Variants in BICD1 observed in about 807,000 individuals in gnomAD.
The protein encoded by BICD1 is BICD cargo adaptor 1, also known as protein bicaudal D homolog 1.
A neutral mutation model predicts 92.5 loss-of-function variants in BICD1; 35 were observed. That is an observed-to-expected ratio of 0.38 (90% CI 0.29 to 0.50). BICD1 has a LOEUF of 0.50. BICD1 is among the 20% of genes least tolerant of loss of function. The pLI is 0.93. For missense variants in BICD1, 950 were observed against 1,189.8 expected (o/e 0.80, Z 2.97); for synonymous variants, 429 against 465.1 (o/e 0.92, Z 1.00).
At chr12:32,359,607 TCCACC>T (rs1939246796) in intron 8 of BICD1, among the ~76,000 whole-genome samples, 1 of 152,154 alleles carries the variant, frequency 6.6e-6, no homozygotes, top group South Asian at 2.1e-4. Context: ...CTTAAAAAGT[TCCACC>T]TTTCAATACT....
chr12:32,294,188 A>G (rs868420183), intron 3 of BICD1, 42 bp downstream of exon 3: 1 of 1,519,060 alleles, frequency 6.6e-7, no homozygotes, highest in Non-Finnish European at 8.9e-7. Context: ...AGATGGATCT[A>G]CATCTTCTGA....
chr12:32,335,173 C>T (rs533819618), intron 6 of BICD1, among the ~76,000 whole-genome samples: 1 of 149,128 alleles, frequency 6.7e-6, no homozygotes, highest in African/African-American at 2.5e-5. Flanking sequence ...TTTTTTGAGA[C>T]GGAGTCTTAC....
intron 1 of BICD1, among the ~76,000 whole-genome samples, chr12:32,178,060 G>A (rs1348946085): frequency 1.3e-5 from 2 of 151,442 alleles, no homozygotes; most frequent in Non-Finnish European, 2.9e-5. Context: ...AAAAAAGCAG[G>A]AGTTATTTCT....
At position 32,216,330 on chromosome 12, in the gene BICD1, A is replaced by G; in HGVS notation, c.297A>G (p.Ala99=). 1 of 1,614,202 alleles carries G rather than the reference A, an allele frequency of 6.2e-7. No homozygotes were observed. Among genetic ancestry groups the G allele is most frequent in the Non-Finnish European group, 8.5e-7 (1 of 1,180,036 alleles). ...TREETLLQES[A]SKEAYYLGKI... Reference sequence around the variant, plus strand: ...AGGAAACGCTTCTGCAGGAGTCAGCATCGAAGGAGGCTTACTATCTGGGGA... The same window carrying G: ...AGGAAACGCTTCTGCAGGAGTCAGCGTCGAAGGAGGCTTACTATCTGGGGA... Residue 99 remains alanine, a synonymous_variant, in exon 2 of 10, where the codon GCA becomes GCG. Transcript: ENST00000652176.
chr12:32,290,318 T>C (rs142161537), intron 2 of BICD1, among the ~76,000 whole-genome samples: 1 of 152,210 alleles, frequency 6.6e-6, no homozygotes, highest in Non-Finnish European at 1.5e-5. Flanking sequence ...AGCTAGCCAG[T>C]GAGCTTTTAT....
At chr12:32,182,154 G>A (rs1004896597) in intron 1 of BICD1, among the ~76,000 whole-genome samples, 7 of 151,782 alleles carry the variant, frequency 4.6e-5, no homozygotes, top group African/African-American at 7.2e-5. Context: ...AGTTCAGAAA[G>A]GTGGTGGTAA....
At chr12:32,255,389 G>A (rs1173575142) in intron 2 of BICD1, among the ~76,000 whole-genome samples, 1 of 152,082 alleles carries the variant, frequency 6.6e-6, no homozygotes, top group Non-Finnish European at 1.5e-5. Flanking sequence ...GCCACCATGT[G>A]CCAGTCATCT....
At chr12:32,287,421 C>G (rs1947598774) in intron 2 of BICD1, among the ~76,000 whole-genome samples, 1 of 151,774 alleles carries the variant, frequency 6.6e-6, no homozygotes, top group African/African-American at 2.4e-5. Context: ...ACATGTATTA[C>G]TGTATTGATT....
chr12:32,300,746 G>A (rs1592637111), intron 3 of BICD1, among the ~76,000 whole-genome samples: 2 of 138,504 alleles, frequency 1.4e-5, no homozygotes, highest in African/African-American at 2.6e-5. Flanking sequence ...CCGGGTTCAC[G>A]CCATTCTCCT....
chr12:32,126,614 T>C (rs766024529), intron 1 of BICD1, among the ~76,000 whole-genome samples: 3 of 151,910 alleles, frequency 2.0e-5, no homozygotes, highest in Non-Finnish European at 4.4e-5. Context: ...AAAATTAGTT[T>C]GGCATGGTGA....
At chr12:32,295,777 C>T (rs1239581) in intron 3 of BICD1, among the ~76,000 whole-genome samples, 5 of 151,304 alleles carry the variant, frequency 3.3e-5, no homozygotes, top group African/African-American at 4.9e-5. Flanking sequence ...CTCAGCCTCC[C>T]GAGTAGCTGG....
intron 9 of BICD1, among the ~76,000 whole-genome samples, chr12:32,371,600 T>C (rs1337699283): frequency 6.6e-6 from 1 of 152,196 alleles, no homozygotes; most frequent in African/African-American, 2.4e-5. Flanking sequence ...GTTTTTGTTT[T>C]TGTTTGAGAC....
chr12:32,267,620 TA>T (rs1182430214), intron 2 of BICD1, among the ~76,000 whole-genome samples: 1 of 151,558 alleles, frequency 6.6e-6, no homozygotes, highest in Non-Finnish European at 1.5e-5. Flanking sequence ...CTTATTAAGC[TA>T]TTTTTTTGTT....
At chr12:32,140,702 TA>T (rs1942888251) in intron 1 of BICD1, among the ~76,000 whole-genome samples, 2 of 152,304 alleles carry the variant, frequency 1.3e-5, no homozygotes, top group Non-Finnish European at 2.9e-5. Flanking sequence ...ACTGTGTCTG[TA>T]GACAAAAAGC....
At position 32,337,564 on chromosome 12, in the gene BICD1, A is replaced by G. The variant is rs750796204; in HGVS notation, c.2318A>G (p.Lys773Arg). Residue 773 changes from lysine to arginine, a missense_variant, in exon 7 of 10, where the codon AAG becomes AGG. Lys to Arg is a conservative substitution (Grantham distance 26). This residue lies in a region of BICD1 where 309 missense variants were observed against 499.4 expected (regional missense o/e 0.62). Transcript: ENST00000652176. This position sits in a 1 kb window ranked among gnomAD's most constrained non-coding sequence, Gnocchi z 4.7. ...CAGTTAGCAGCTGCAGAGGATGAGA[A>G]GAAGACTCTGAACACTTTGTTACGA... is the stretch of plus-strand genomic sequence containing the variant. ...QRQLAAAEDE[K>R]KTLNTLLRMA... The G allele has an allele frequency of 6.2e-7, 1 of 1,614,222 alleles. No homozygotes were observed. Among genetic ancestry groups the G allele is most frequent in the South Asian group, 1.1e-5 (1 of 91,090 alleles).
rs144074626 is a variant in BICD1 at position 32,337,584 on chromosome 12, T to C, written c.2338T>C (p.Leu780=). ...TGAGAAGAAGACTCTGAACACTTTG[T>C]TACGAATGGCTATCCAGCAAAAACT... ...EDEKKTLNTL[L]RMAIQQKLAL... is the part of the protein sequence containing the mutation. The change falls in exon 7 of 10, where the codon TTA becomes CTA. Residue 780 remains leucine, a synonymous_variant. Transcript: ENST00000652176. The surrounding 1 kb of genome is among the most constrained non-coding windows in gnomAD (Gnocchi z 4.7). 2.3e-5 allele frequency: 37 copies of C among 1,614,042 alleles called. No homozygotes were observed. Among genetic ancestry groups the C allele is most frequent in the Non-Finnish European group, 3.1e-5 (37 of 1,180,034 alleles).
intron 8 of BICD1, chr12:32,339,897 C>G (rs1430070742): frequency 1.1e-6 from 1 of 915,150 alleles, no homozygotes; most frequent in East Asian, 1.2e-4. Context: ...TTCTGAATAT[C>G]TGGCAGCCCT....
At chr12:32,118,091 A>ATTTTATTTTATTTAT (rs1555126592) in intron 1 of BICD1, among the ~76,000 whole-genome samples, 1 of 46,832 alleles carries the variant, frequency 2.1e-5, no homozygotes, top group African/African-American at 6.7e-5. Flanking sequence ...TATTTTATTT[A>ATTTTATTTTATTTAT]TTTTTTTTGA....
chr12:32,192,094 A>G (rs539612944), intron 1 of BICD1, among the ~76,000 whole-genome samples: 14 of 152,268 alleles, frequency 9.2e-5, no homozygotes, highest in African/African-American at 3.1e-4. Context: ...AGGCCAAGAA[A>G]CGTTCTTGAA....
Sources: allele counts gnomAD v4.1 joint callset (sites outside exome capture counted in the v4.1 genomes callset), GRCh38; gene constraint gnomAD v4.1.1; regional missense constraint gnomAD v4.1.1; non-coding constraint Gnocchi (gnomAD v3.1); transcripts MANE v1.5; gene names NCBI Gene and HGNC (gene_info 2026-07-23, HGNC 2026-07-21).